The following GALNT13 variants were observed in gnomAD, a reference collection of about 807,000 sequenced individuals.
GALNT13 encodes the protein polypeptide N-acetylgalactosaminyltransferase 13, also known as UDP-GalNAc:polypeptide N-acetylgalactosaminyltransferase 13.
Under a neutral mutation model 64.2 loss-of-function variants are expected in GALNT13, and 28 were observed. That is an observed-to-expected ratio of 0.44 (90% confidence interval 0.32 to 0.60). The LOEUF (loss-of-function observed/expected upper bound fraction) is 0.60, where lower values mean the gene tolerates loss of function less well. Ranked by LOEUF, GALNT13 falls within the 20% of genes least tolerant of loss-of-function variation. GALNT13 has a pLI of 0.05. For synonymous variants in GALNT13, 214 were observed against 224.6 expected (o/e 0.95, Z 0.42); for missense variants, 577 against 669.8 (o/e 0.86, Z 1.53).
the GALNT13 span, among the ~76,000 whole-genome samples, chr2:153,376,955 T>C: frequency 6.6e-6 from 1 of 152,154 alleles, no homozygotes. Context: ...AAGGTGACTA[T>C]TATAGGATGA....
intron 9 of GALNT13, among the ~76,000 whole-genome samples, chr2:154,314,480 G>C (rs1694223616): frequency 6.6e-6 from 1 of 152,122 alleles, no homozygotes; most frequent in Non-Finnish European, 1.5e-5. Context: ...AATACCTGAT[G>C]ATGAGTAATT....
At chr2:153,530,125 TATG>T in the GALNT13 span, among the ~76,000 whole-genome samples, 1 of 152,078 alleles carries the variant, frequency 6.6e-6, no homozygotes. Context: ...TGTTTGCAGA[TATG>T]ATATTATATT....
At chr2:154,305,563 C>G (rs1693686749) in intron 9 of GALNT13, among the ~76,000 whole-genome samples, 1 of 152,168 alleles carries the variant, frequency 6.6e-6, no homozygotes, top group South Asian at 2.1e-4. Context: ...CTACTTTTTA[C>G]ATGTGGGCTT....
At chr2:153,438,768 A>T in the GALNT13 span, among the ~76,000 whole-genome samples, 1 of 152,142 alleles carries the variant, frequency 6.6e-6, no homozygotes, top group Admixed American at 6.5e-5. Context: ...CCATTGGTTC[A>T]GACTTCCTCC....
the GALNT13 span, among the ~76,000 whole-genome samples, chr2:153,081,314 A>T: frequency 6.6e-6 from 1 of 152,158 alleles, no homozygotes; most frequent in East Asian, 1.9e-4. Flanking sequence ...TAAGCACATG[A>T]TGGAGATCAG....
the GALNT13 span, among the ~76,000 whole-genome samples, chr2:153,744,498 A>T: frequency 6.6e-6 from 1 of 152,026 alleles, no homozygotes; most frequent in Non-Finnish European, 1.5e-5. Flanking sequence ...ATATATTCAG[A>T]TATTTTGCCT....
At chr2:154,292,952 G>T (rs1463692230) in intron 8 of GALNT13, among the ~76,000 whole-genome samples, 1 of 152,144 alleles carries the variant, frequency 6.6e-6, no homozygotes, top group Non-Finnish European at 1.5e-5. Context: ...CCTAGCAGGG[G>T]AAATAGAGTA....
chr2:154,228,445 C>T (rs1688744075), intron 4 of GALNT13, among the ~76,000 whole-genome samples: 1 of 152,154 alleles, frequency 6.6e-6, no homozygotes, highest in African/African-American at 2.4e-5. Context: ...AGCCCTGTTT[C>T]TCCATGAGGG....
chr2:153,140,979 G>A, the GALNT13 span, among the ~76,000 whole-genome samples: 1 of 151,848 alleles, frequency 6.6e-6, no homozygotes, highest in Non-Finnish European at 1.5e-5. Flanking sequence ...AATTTCATCA[G>A]CTCCCCCAAA....
At chr2:154,114,356 C>G (rs1028372850) in intron 3 of GALNT13, among the ~76,000 whole-genome samples, 12 of 152,206 alleles carry the variant, frequency 7.9e-5, no homozygotes, top group Non-Finnish European at 1.5e-4. Context: ...CCACTGGACC[C>G]ACTGCAAGTC....
Position 154,298,547 on chromosome 2 carries a change from T to C in GALNT13, c.976-2862T>C, listed in dbSNP as rs1559075356. On this transcript the variant is annotated intron_variant, in intron 8 of 12. Transcript: ENST00000392825. The stretch of plus-strand genomic sequence containing the variant: ...ATATAAAATTGTATATATTTATATA[T>C]AAATTGTATATATAATTTATATATA... 4.8e-5 allele frequency among the ~76,000 whole-genome samples: 3 copies of C among 62,330 alleles called. No individual in the cohort carries two copies. The East Asian group carries it at 1.7e-3, about 35-fold the overall frequency. The allele number at this position is 62,330 out of a possible 152,430, so 40.9% of individuals were successfully genotyped here.
Position 154,069,627 on chromosome 2 carries a change from G to GT in GALNT13, c.143-70707dup, listed in dbSNP as rs199558833. 4.8e-3 allele frequency among the ~76,000 whole-genome samples: 728 copies of GT among 151,962 alleles called. 3 individuals are homozygous for GT. The highest frequency in any genetic ancestry group is 0.02 in the Middle Eastern group (6 of 294). The stretch of plus-strand genomic sequence containing the variant: ...ATTCAAAAGACATAGCTAGAATAAT[G>GT]TTTAAGAAGAAGAATGCATATTACC... On this transcript the variant is annotated intron_variant, in intron 3 of 12. Transcript: ENST00000392825.
the GALNT13 span, among the ~76,000 whole-genome samples, chr2:153,862,961 G>T: frequency 6.6e-6 from 1 of 152,084 alleles, no homozygotes; most frequent in Non-Finnish European, 1.5e-5. Flanking sequence ...CCTACTGGAT[G>T]AGTCATTCTT....
At chr2:154,269,799 C>G (rs1055921672) in intron 8 of GALNT13, among the ~76,000 whole-genome samples, 4 of 148,088 alleles carry the variant, frequency 2.7e-5, no homozygotes, top group African/African-American at 9.9e-5. Flanking sequence ...TATTTTCATT[C>G]AAAGAAGGGC....
At chr2:154,143,291 G>A (rs1454833548) in intron 4 of GALNT13, among the ~76,000 whole-genome samples, 1 of 152,126 alleles carries the variant, frequency 6.6e-6, no homozygotes, top group Non-Finnish European at 1.5e-5. Context: ...CTCTCAGGCA[G>A]CTCACCTCCT....
At chr2:153,521,663 A>G in the GALNT13 span, among the ~76,000 whole-genome samples, 10 of 152,280 alleles carry the variant, frequency 6.6e-5, no homozygotes, top group East Asian at 1.9e-3. Context: ...GAGTATTTTC[A>G]TGGCCCTCAA....
chr2:153,824,345 A>G, the GALNT13 span, among the ~76,000 whole-genome samples: 1 of 152,178 alleles, frequency 6.6e-6, no homozygotes, highest in Admixed American at 6.5e-5. Flanking sequence ...AAAGAGGACT[A>G]TTATTTTACC....
At chr2:154,349,137 G>A (rs904943761) in intron 9 of GALNT13, among the ~76,000 whole-genome samples, 1 of 152,100 alleles carries the variant, frequency 6.6e-6, no homozygotes, top group African/African-American at 2.4e-5. Context: ...GTCCACATGA[G>A]CAATCGTCAG....
At chr2:154,330,833 CAACAT>C (rs1467332938) in intron 9 of GALNT13, among the ~76,000 whole-genome samples, 2 of 152,134 alleles carry the variant, frequency 1.3e-5, no homozygotes, top group African/African-American at 4.8e-5. Flanking sequence ...TAAATTTAAA[CAACAT>C]AACCCTTCCT....
Sources: gnomAD v4.1 joint callset for allele counts (sites outside exome capture counted in the v4.1 genomes callset) on GRCh38, gnomAD v4.1.1 for gene constraint, MANE v1.5 for transcripts, NCBI Gene and HGNC (gene_info 2026-07-23, HGNC 2026-07-21) for gene names.